IP6K1: variants seen among roughly 807,000 people sequenced by gnomAD.
The protein encoded by IP6K1 is inositol hexakisphosphate kinase 1, also known as ATP:1D-myo-inositol-hexakisphosphate phosphotransferase.
A neutral mutation model predicts 38.3 loss-of-function variants in IP6K1; 13 were observed. The ratio of observed to expected loss-of-function variants is 0.34; its 90% CI spans 0.22 to 0.54. IP6K1 has a LOEUF of 0.54. Among genes scored for constraint, IP6K1 ranks in the 20% least tolerant of loss-of-function variants. The pLI is 0.92. For missense variants in IP6K1, 397 were observed against 599.8 expected (o/e 0.66, Z 3.53); for synonymous variants, 212 against 229.9 (o/e 0.92, Z 0.70).
chr3:49,750,546 A>C (rs982548381), intron 1 of IP6K1, among the ~76,000 whole-genome samples: 2 of 152,086 alleles, frequency 1.3e-5, no homozygotes, highest in Non-Finnish European at 2.9e-5. Context: ...AATACAAAAA[A>C]AAAGGTAGCT....
At chr3:49,745,614 G>C (rs891592718) in intron 2 of IP6K1, among the ~76,000 whole-genome samples, 8 of 152,154 alleles carry the variant, frequency 5.3e-5, no homozygotes, top group African/African-American at 1.9e-4. Context: ...CAGCATTTTG[G>C]GAGGCCAAGG....
At chr3:49,745,137 T>C (rs1182224091) in intron 2 of IP6K1, among the ~76,000 whole-genome samples, 1 of 151,538 alleles carries the variant, frequency 6.6e-6, no homozygotes, top group Non-Finnish European at 1.5e-5. Flanking sequence ...CATACTAATG[T>C]GAAAAACAAA....
chr3:49,776,408 T>C (rs2081008840), intron 1 of IP6K1, among the ~76,000 whole-genome samples: 1 of 151,744 alleles, frequency 6.6e-6, no homozygotes, highest in South Asian at 2.1e-4. Flanking sequence ...TCCCAACTAT[T>C]CGCGAGGCTG....
intron 2 of IP6K1, among the ~76,000 whole-genome samples, chr3:49,740,206 T>TA (rs1210108038): frequency 2.7e-5 from 4 of 146,622 alleles, no homozygotes; most frequent in African/African-American, 1.0e-4. Context: ...GATCGATCGA[T>TA]AGAAACATAA....
At chr3:49,734,889 G>A (rs1210568943) in intron 3 of IP6K1, among the ~76,000 whole-genome samples, 1 of 152,176 alleles carries the variant, frequency 6.6e-6, no homozygotes, top group East Asian at 1.9e-4. Flanking sequence ...CGGTCTCTCT[G>A]CTAACAGGTC....
intron 1 of IP6K1, among the ~76,000 whole-genome samples, chr3:49,772,943 C>T (rs1470340037): frequency 6.6e-6 from 1 of 151,984 alleles, no homozygotes; most frequent in Non-Finnish European, 1.5e-5. Context: ...CCTACCTCAG[C>T]CTCCCCAGTT....
intron 2 of IP6K1, among the ~76,000 whole-genome samples, chr3:49,740,077 T>C (rs925930694): frequency 6.6e-6 from 1 of 151,986 alleles, no homozygotes; most frequent in East Asian, 1.9e-4. Flanking sequence ...TTCCAGCTCT[T>C]TGGGAGGCCA....
intron 1 of IP6K1, among the ~76,000 whole-genome samples, chr3:49,785,280 G>T (rs972284003): frequency 1.4e-4 from 21 of 151,888 alleles, no homozygotes; most frequent in Non-Finnish European, 4.4e-5. Flanking sequence ...GGCCAAGGGG[G>T]GTGGATCACG....
At chr3:49,753,040 C>A (rs576201367) in intron 1 of IP6K1, among the ~76,000 whole-genome samples, 1 of 152,150 alleles carries the variant, frequency 6.6e-6, no homozygotes, top group African/African-American at 2.4e-5. Context: ...GGATTACAGG[C>A]ATGAGCCACT....
At chr3:49,774,514 A>G (rs2080990088) in intron 1 of IP6K1, among the ~76,000 whole-genome samples, 1 of 152,172 alleles carries the variant, frequency 6.6e-6, no homozygotes, top group Non-Finnish European at 1.5e-5. Flanking sequence ...ATTACTAACA[A>G]GACAAAAATA....
chr3:49,752,315 G>A (rs1205279735), intron 1 of IP6K1, among the ~76,000 whole-genome samples: 4 of 151,856 alleles, frequency 2.6e-5, no homozygotes, highest in African/African-American at 4.8e-5. Context: ...GTGAAACCCC[G>A]TCTCTACTAA....
At chr3:49,752,981 A>T (rs1247412304) in intron 1 of IP6K1, among the ~76,000 whole-genome samples, 2 of 150,758 alleles carry the variant, frequency 1.3e-5, no homozygotes, top group Non-Finnish European at 1.5e-5. Context: ...GCTGGTCTGA[A>T]ACTTCTGACC....
At chr3:49,782,319 C>T (rs1329623465) in intron 1 of IP6K1, among the ~76,000 whole-genome samples, 9 of 151,958 alleles carry the variant, frequency 5.9e-5, no homozygotes, top group Non-Finnish European at 4.4e-5. Flanking sequence ...TACAGGTGCA[C>T]GCCACCACAC....
In IP6K1 at chr3:49,725,396, C is replaced by CAGAAACAGGCA. The variant is rs1161245710; in HGVS notation, c.*1715_*1725dup. On this transcript the variant is annotated 3_prime_UTR_variant, in exon 6 of 6. Coordinates refer to ENST00000321599, the MANE Select transcript of IP6K1 (RefSeq NM_153273.4). ...AGGAGAGAAGACTGTAATTTGTGAC[C>CAGAAACAGGCA]AGAAACAGGCAAGCTGTCCCTCCCA... 9 of 152,400 alleles carry CAGAAACAGGCA rather than the reference C, an allele frequency of 5.9e-5. No individual in the cohort carries two copies. Among genetic ancestry groups the CAGAAACAGGCA allele is most frequent in the Non-Finnish European group, 7.3e-5 (5 of 68,070 alleles). 9.4% of individuals were successfully genotyped at this position (152,400 alleles called of 1,614,324 possible).
chr3:49,728,235 G>A lies in IP6K1; in HGVS notation c.660C>T (p.Pro220=), dbSNP rs2080527242. The A allele has an allele frequency of 1.9e-6, 3 of 1,614,188 alleles. No individual in the cohort carries two copies. Among genetic ancestry groups the A allele is most frequent in the African/African-American group, 1.3e-5 (1 of 75,060 alleles). ...TGCCCATCTTCAGGTCCAACACGCA[G>A]GGGTACTTGAAGTGGTGCACCACGT... The part of the protein sequence containing the change: ...LENVVHHFKY[P]CVLDLKMGTR... The change falls in exon 5 of 6, where the codon CCC becomes CCT. Residue 220 remains proline, a synonymous_variant. Coordinates refer to ENST00000321599, the MANE Select transcript of IP6K1 (RefSeq NM_153273.4).
chr3:49,781,086 A>G (rs1351046191), intron 1 of IP6K1, among the ~76,000 whole-genome samples: 1 of 150,538 alleles, frequency 6.6e-6, no homozygotes, highest in Non-Finnish European at 1.5e-5. Flanking sequence ...TTTGAGACAG[A>G]GTTTCACTCT....
intron 2 of IP6K1, among the ~76,000 whole-genome samples, chr3:49,739,113 C>T (rs188428617): frequency 8.4e-4 from 128 of 152,170 alleles, no homozygotes; most frequent in Non-Finnish European, 1.5e-3. Context: ...TTTAAAAATA[C>T]ATATATCCAG....
intron 1 of IP6K1, among the ~76,000 whole-genome samples, chr3:49,767,974 T>G (rs570904316): frequency 6.6e-6 from 1 of 151,796 alleles, no homozygotes; most frequent in Non-Finnish European, 1.5e-5. Flanking sequence ...CTCAACTTCA[T>G]TAGTCATTAG....
intron 1 of IP6K1, among the ~76,000 whole-genome samples, chr3:49,750,391 CAGG>C (rs1457794306): frequency 6.6e-6 from 1 of 152,106 alleles, no homozygotes; most frequent in Non-Finnish European, 1.5e-5. Flanking sequence ...AAGAATGGTG[CAGG>C]AGGAGAGTCA....
Sources: allele counts gnomAD v4.1 joint callset (sites outside exome capture counted in the v4.1 genomes callset), GRCh38; gene constraint gnomAD v4.1.1; transcripts MANE v1.5; gene names NCBI Gene and HGNC (gene_info 2026-07-23, HGNC 2026-07-21).